WDPCP: variants seen among roughly 807,000 people sequenced by gnomAD.
The protein encoded by WDPCP is WD repeat-containing and planar cell polarity effector protein fritz homolog.
In WDPCP, 71 loss-of-function variants were observed where a neutral mutation model predicts 93.1. That is an observed-to-expected ratio of 0.76 (90% confidence interval 0.63 to 0.93). The LOEUF (loss-of-function observed/expected upper bound fraction) is 0.93, where lower values mean the gene tolerates loss of function less well. WDPCP is among the 40% of genes least tolerant of loss of function. The pLI, the probability that WDPCP is intolerant of heterozygous loss-of-function variation, is 0.00. For synonymous variants in WDPCP, 315 were observed against 315.0 expected (o/e 1.00, Z 0.00); for missense variants, 844 against 887.4 (o/e 0.95, Z 0.62).
In WDPCP at chr2:63,338,561, AAAAAAAAAATATATATATATATATAT is replaced by A. The variant is rs1486682698; in HGVS notation, c.1749-25276_1749-25251del. Among the ~76,000 whole-genome samples the A allele has an allele frequency of 3.3e-4, 25 of 74,692 alleles. 3 individuals carry two copies. Among genetic ancestry groups the A allele is most frequent in the African/African-American group, 1.2e-3 (21 of 18,150 alleles). The allele number at this position is 74,692 out of a possible 152,430, so 49.0% of individuals were successfully genotyped here. A position where few individuals can be genotyped will look rare whatever the true frequency, so the allele number is the denominator to read the frequency against. On this transcript the variant is annotated intron_variant, in intron 12 of 17. Transcript: ENST00000272321. The stretch of plus-strand genomic sequence containing the variant: ...GAGCAAAACTCCATCTAAAAAAAAA[AAAAAAAAAATATATATATATATATAT>A]ATATATATATATATATATATATATA...
At chr2:63,577,795 A>G (rs1038674366) in intron 1 of WDPCP, among the ~76,000 whole-genome samples, 3 of 152,166 alleles carry the variant, frequency 2.0e-5, no homozygotes, top group African/African-American at 7.2e-5. Flanking sequence ...AATCCCAATC[A>G]TAGACTATGT....
At chr2:63,725,296 A>G (rs955005973) in intron 2 of WDPCP, among the ~76,000 whole-genome samples, 2 of 152,068 alleles carry the variant, frequency 1.3e-5, no homozygotes, top group Non-Finnish European at 2.9e-5. Context: ...AACATGTGGT[A>G]TTTGGTTTTC....
intron 2 of WDPCP, among the ~76,000 whole-genome samples, chr2:63,700,279 T>A (rs1346265969): frequency 2.6e-5 from 2 of 77,350 alleles, no homozygotes; most frequent in East Asian, 5.5e-4. Flanking sequence ...TGAGACCCTG[T>A]CTCAAAAAAA....
chr2:63,560,063 T>C (rs1706473330), intron 1 of WDPCP, among the ~76,000 whole-genome samples: 1 of 151,834 alleles, frequency 6.6e-6, no homozygotes, highest in Non-Finnish European at 1.5e-5. Context: ...CTCTTAAAAC[T>C]ACAAAAAAAA....
intron 12 of WDPCP, among the ~76,000 whole-genome samples, chr2:63,347,730 G>C (rs1575194336): frequency 7.0e-6 from 1 of 143,836 alleles, no homozygotes; most frequent in African/African-American, 2.6e-5. Flanking sequence ...GGGGGAAATT[G>C]CCCCCCCCGC....
At chr2:63,178,164 C>T (rs866393814) in intron 14 of WDPCP, among the ~76,000 whole-genome samples, 29 of 152,094 alleles carry the variant, frequency 1.9e-4, no homozygotes, top group African/African-American at 7.0e-4. Flanking sequence ...CTATCAAGAA[C>T]GTTGGTCTGT....
chr2:63,425,115 C>G (rs1696170935), intron 9 of WDPCP, among the ~76,000 whole-genome samples: 1 of 152,178 alleles, frequency 6.6e-6, no homozygotes, highest in African/African-American at 2.4e-5. Flanking sequence ...ACATGAAGAT[C>G]CTGTGCAGAC....
chr2:63,144,527 T>TAG (rs1303786246), intron 17 of WDPCP, among the ~76,000 whole-genome samples: 1 of 152,236 alleles, frequency 6.6e-6, no homozygotes, highest in Non-Finnish European at 1.5e-5. Context: ...GTACTGGGAT[T>TAG]AGAGGGGTGA....
At chr2:63,139,198 CACCA>C (rs1357387010) in intron 17 of WDPCP, among the ~76,000 whole-genome samples, 7 of 151,954 alleles carry the variant, frequency 4.6e-5, no homozygotes, top group African/African-American at 1.2e-4. Flanking sequence ...CACACACACA[CACCA>C]GTTTCTTTAT....
intron 9 of WDPCP, among the ~76,000 whole-genome samples, chr2:63,407,501 C>G (rs1364436158): frequency 6.6e-6 from 1 of 152,174 alleles, no homozygotes; most frequent in Admixed American, 6.5e-5. Flanking sequence ...GACCCCTACT[C>G]CAAGTTCAAA....
At chr2:63,312,208 A>G (rs1686238913) in intron 13 of WDPCP, among the ~76,000 whole-genome samples, 1 of 152,186 alleles carries the variant, frequency 6.6e-6, no homozygotes, top group African/African-American at 2.4e-5. Context: ...AATTAATTGA[A>G]TGACATACAT....
At chr2:63,821,575 CA>C (rs1239303122) in intron 1 of WDPCP, among the ~76,000 whole-genome samples, 1 of 151,966 alleles carries the variant, frequency 6.6e-6, no homozygotes, top group African/African-American at 2.4e-5. Flanking sequence ...AGCAGAGTGA[CA>C]AGATCAGATT....
intron 1 of WDPCP, 107 bp from the exon 2 acceptor site, chr2:63,493,047 T>G: frequency 3.2e-6 from 3 of 931,008 alleles, no homozygotes; most frequent in Non-Finnish European, 5.1e-6. Flanking sequence ...ACAACTGTTA[T>G]TTGAAATATG....
At chr2:63,212,054 T>C (rs1167295949) in intron 14 of WDPCP, among the ~76,000 whole-genome samples, 2 of 152,118 alleles carry the variant, frequency 1.3e-5, no homozygotes, top group African/African-American at 4.8e-5. Flanking sequence ...CTTGAGGATA[T>C]TATCAAAGAG....
At chr2:63,780,473 C>A (rs1182026258) in intron 2 of WDPCP, among the ~76,000 whole-genome samples, 2 of 152,120 alleles carry the variant, frequency 1.3e-5, no homozygotes, top group African/African-American at 2.4e-5. Flanking sequence ...CAGAAGGATA[C>A]CCTGTTAATG....
intron 12 of WDPCP, among the ~76,000 whole-genome samples, chr2:63,373,323 C>G (rs979860851): frequency 4.7e-5 from 7 of 149,810 alleles, no homozygotes; most frequent in African/African-American, 1.7e-4. Context: ...GAACAAGGCT[C>G]ACTGCAGACT....
intron 6 of WDPCP, among the ~76,000 whole-genome samples, chr2:63,466,540 TAA>T (rs1385302337): frequency 6.6e-6 from 1 of 152,182 alleles, no homozygotes; most frequent in African/African-American, 2.4e-5. Context: ...AAATTTAAAA[TAA>T]GTCACTTTTT....
At chr2:63,676,244 T>G (rs1710402392) in intron 2 of WDPCP, among the ~76,000 whole-genome samples, 1 of 152,208 alleles carries the variant, frequency 6.6e-6, no homozygotes, top group Non-Finnish European at 1.5e-5. Context: ...GGGCATTTCG[T>G]CTCCATTTCT....
At chr2:63,203,912 C>G (rs1053220728) in intron 14 of WDPCP, among the ~76,000 whole-genome samples, 1 of 152,138 alleles carries the variant, frequency 6.6e-6, no homozygotes, top group Non-Finnish European at 1.5e-5. Flanking sequence ...GAATAGTATG[C>G]CATTGTGCAT....
Sources: allele counts gnomAD v4.1 joint callset (sites outside exome capture counted in the v4.1 genomes callset), GRCh38; gene constraint gnomAD v4.1.1; transcripts MANE v1.5; gene names NCBI Gene and HGNC (gene_info 2026-07-23, HGNC 2026-07-21).